CFAP299: variants seen among roughly 807,000 people sequenced by gnomAD.
CFAP299 encodes cilia- and flagella-associated protein 299.
A neutral mutation model predicts 27.0 loss-of-function variants in CFAP299; 21 were observed. The observed-to-expected ratio is 0.78, with a 90% CI of 0.55 to 1.12. The LOEUF is 1.12. Among genes scored for constraint, CFAP299 ranks in the 50% most tolerant of loss-of-function variants. The pLI, the probability that CFAP299 is intolerant of heterozygous loss-of-function variation, is 0.00. For synonymous variants in CFAP299, 104 were observed against 98.1 expected, an observed-to-expected ratio of 1.06 and a Z score of -0.36; for missense variants, 310 against 276.6, an observed-to-expected ratio of 1.12 and a Z score of -0.86.
chr4:80,491,248 G>T (rs1166412021), intron 2 of CFAP299, among the ~76,000 whole-genome samples: 2 of 151,930 alleles, frequency 1.3e-5, no homozygotes, highest in Non-Finnish European at 2.9e-5. Flanking sequence ...TTTAAAAATA[G>T]AATTAATATA....
At chr4:80,344,276 A>G (rs1448651394) in intron 1 of CFAP299, among the ~76,000 whole-genome samples, 6 of 152,090 alleles carry the variant, frequency 3.9e-5, no homozygotes, top group African/African-American at 1.2e-4. Context: ...AAAAAGAGAG[A>G]GAGAGAGAAT....
intron 3 of CFAP299, among the ~76,000 whole-genome samples, chr4:80,782,407 T>C (rs1477670067): frequency 2.0e-5 from 3 of 150,986 alleles, no homozygotes; most frequent in Non-Finnish European, 4.4e-5. Flanking sequence ...TTTCTTTTTC[T>C]TCAGCTTAAG....
At chr4:80,876,922 C>A (rs1172287176) in intron 4 of CFAP299, among the ~76,000 whole-genome samples, 1 of 152,124 alleles carries the variant, frequency 6.6e-6, no homozygotes, top group Non-Finnish European at 1.5e-5. Flanking sequence ...TTTTGGCCAT[C>A]CTGTACCCAC....
chr4:80,546,234 C>A (rs1032055556), intron 2 of CFAP299, among the ~76,000 whole-genome samples: 2 of 151,378 alleles, frequency 1.3e-5, no homozygotes, highest in Non-Finnish European at 3.0e-5. Flanking sequence ...CCCACATAGA[C>A]CCTACCAGAA....
At chr4:80,911,776 A>T (rs1354682813) in intron 4 of CFAP299, among the ~76,000 whole-genome samples, 1 of 152,138 alleles carries the variant, frequency 6.6e-6, no homozygotes, top group East Asian at 1.9e-4. Flanking sequence ...GCACTTCTTG[A>T]AGGGAAAATA....
At chr4:80,700,137 G>A (rs1384964351) in intron 3 of CFAP299, among the ~76,000 whole-genome samples, 2 of 152,098 alleles carry the variant, frequency 1.3e-5, no homozygotes, top group Non-Finnish European at 2.9e-5. Flanking sequence ...TGATCACCAT[G>A]CTGAAGTCAG....
At chr4:80,729,177 G>A (rs1723342496) in intron 3 of CFAP299, among the ~76,000 whole-genome samples, 1 of 152,200 alleles carries the variant, frequency 6.6e-6, no homozygotes, top group Non-Finnish European at 1.5e-5. Flanking sequence ...AGGCAGAGCA[G>A]TAGTTAAGTT....
At chr4:80,641,824 G>C (rs116811165) in intron 3 of CFAP299, among the ~76,000 whole-genome samples, 2 of 152,194 alleles carry the variant, frequency 1.3e-5, no homozygotes, top group African/African-American at 2.4e-5. Flanking sequence ...AAACAAAGTG[G>C]CATGTGAGAT....
intron 3 of CFAP299, among the ~76,000 whole-genome samples, chr4:80,608,935 G>T (rs1032794157): frequency 6.6e-6 from 1 of 151,420 alleles, no homozygotes; most frequent in Non-Finnish European, 1.5e-5. Flanking sequence ...GAAGAATAAA[G>T]AAAATGTTAG....
At chr4:80,898,813 AT>A (rs1389422619) in intron 4 of CFAP299, among the ~76,000 whole-genome samples, 1 of 152,078 alleles carries the variant, frequency 6.6e-6, no homozygotes, top group South Asian at 2.1e-4. Context: ...GACTTAAACA[AT>A]TTTTTAGGTA....
intron 3 of CFAP299, among the ~76,000 whole-genome samples, chr4:80,830,213 G>C (rs112808641): frequency 0.03 from 4,585 of 152,010 alleles, 99 homozygotes; most frequent in South Asian, 0.073. Context: ...GTCAAATAAC[G>C]AATGTGAAAA....
chr4:80,935,089 T>C (rs1238922695), intron 4 of CFAP299, among the ~76,000 whole-genome samples: 1 of 152,078 alleles, frequency 6.6e-6, no homozygotes, highest in African/African-American at 2.4e-5. Flanking sequence ...TGTATCTCAA[T>C]GTATTTTTTT....
chr4:80,578,432 T>G (rs1455314512), intron 2 of CFAP299, among the ~76,000 whole-genome samples: 1 of 152,192 alleles, frequency 6.6e-6, no homozygotes, highest in Admixed American at 6.6e-5. Context: ...CTGCTTCGGA[T>G]AGCTTTGGAG....
intron 2 of CFAP299, among the ~76,000 whole-genome samples, chr4:80,497,787 C>T (rs1250901790): frequency 6.6e-6 from 1 of 151,998 alleles, no homozygotes; most frequent in Non-Finnish European, 1.5e-5. Flanking sequence ...CTGAAAAAGA[C>T]ACTGAATAGC....
chr4:80,494,377 A>T (rs1731325614), intron 2 of CFAP299, among the ~76,000 whole-genome samples: 2 of 152,214 alleles, frequency 1.3e-5, no homozygotes, highest in Admixed American at 6.5e-5. Context: ...AGATTATTTC[A>T]CATAATAGGC....
At chr4:80,453,893 G>T in intron 2 of CFAP299, among the ~76,000 whole-genome samples, 1 of 139,674 alleles carries the variant, frequency 7.2e-6, no homozygotes. Context: ...TAATAATCTT[G>T]CAAGCGTGAT....
chr4:80,928,685 T>C (rs542394143), intron 4 of CFAP299, among the ~76,000 whole-genome samples: 3 of 152,232 alleles, frequency 2.0e-5, no homozygotes, highest in African/African-American at 7.2e-5. Context: ...GAACAGAATT[T>C]TAATCTTATA....
At chr4:80,471,702 G>A (rs1258406033) in intron 2 of CFAP299, among the ~76,000 whole-genome samples, 1 of 151,984 alleles carries the variant, frequency 6.6e-6, no homozygotes, top group Non-Finnish European at 1.5e-5. Flanking sequence ...TGCCTTGTGA[G>A]CCATTTAAAT....
At chr4:80,514,773 A>G (rs999397047) in intron 2 of CFAP299, among the ~76,000 whole-genome samples, 2 of 152,104 alleles carry the variant, frequency 1.3e-5, no homozygotes, top group African/African-American at 2.4e-5. Flanking sequence ...TTTTTTATAA[A>G]ATAAATATCT....
Sources: gnomAD v4.1 joint callset for allele counts (sites outside exome capture counted in the v4.1 genomes callset) on GRCh38, gnomAD v4.1.1 for gene constraint, MANE v1.5 for transcripts, NCBI Gene and HGNC (gene_info 2026-07-23, HGNC 2026-07-21) for gene names.